CACNA2D1: variants seen among roughly 807,000 people sequenced by gnomAD.
The protein encoded by CACNA2D1 is calcium voltage-gated channel auxiliary subunit alpha2delta 1, also known as voltage-dependent calcium channel subunit alpha-2/delta-1.
In CACNA2D1, 53 loss-of-function variants were observed where a neutral mutation model predicts 171.5. The ratio of observed to expected loss-of-function variants is 0.31; its 90% CI spans 0.25 to 0.39. The LOEUF is 0.39. Among genes scored for constraint, CACNA2D1 ranks in the 10% least tolerant of loss-of-function variants. The pLI is 1.00. For missense variants in CACNA2D1, 903 were observed against 1,299.8 expected (o/e 0.69, Z 4.69); for synonymous variants, 442 against 443.1 (o/e 1.00, Z 0.03).
At chr7:81,955,249 ATTATACTACCATTCTACCT>A (rs1389480767) in intron 38 of CACNA2D1, among the ~76,000 whole-genome samples, 1 of 152,002 alleles carries the variant, frequency 6.6e-6, no homozygotes, top group Non-Finnish European at 1.5e-5. Context: ...GGCTTTGGAG[ATTATACTACCATTCTACCT>A]TGCTTGTGAG....
chr7:82,352,082 T>C (rs1310216850), intron 1 of CACNA2D1, among the ~76,000 whole-genome samples: 3 of 152,196 alleles, frequency 2.0e-5, no homozygotes, highest in Non-Finnish European at 4.4e-5. Flanking sequence ...ACTTCCAGTG[T>C]TCATTTAGGT....
intron 24 of CACNA2D1, among the ~76,000 whole-genome samples, chr7:81,977,192 A>T (rs748214341): frequency 2.3e-4 from 35 of 152,158 alleles, no homozygotes; most frequent in Non-Finnish European, 4.0e-4. Flanking sequence ...TGGGTTTGTC[A>T]CAAATATCTC....
intron 3 of CACNA2D1, among the ~76,000 whole-genome samples, chr7:82,280,956 A>G (rs894938535): frequency 2.0e-5 from 3 of 152,194 alleles, no homozygotes; most frequent in African/African-American, 7.2e-5. Context: ...AGCAGCAGGT[A>G]TATCATTTGG....
At chr7:82,229,500 T>A (rs574036059) in intron 3 of CACNA2D1, among the ~76,000 whole-genome samples, 2 of 152,094 alleles carry the variant, frequency 1.3e-5, no homozygotes, top group South Asian at 4.1e-4. Flanking sequence ...TATTATTTCT[T>A]ATTTTTTTGG....
intron 1 of CACNA2D1, among the ~76,000 whole-genome samples, chr7:82,389,273 C>T (rs1824810185): frequency 6.6e-6 from 1 of 150,774 alleles, no homozygotes; most frequent in South Asian, 2.1e-4. Context: ...TTAGAAGTTT[C>T]TTAATAGCCA....
chr7:82,241,455 A>T (rs181563908), intron 3 of CACNA2D1, among the ~76,000 whole-genome samples: 7 of 152,306 alleles, frequency 4.6e-5, no homozygotes, highest in Admixed American at 1.3e-4. Flanking sequence ...GCTTAAGGTC[A>T]GACAGCTGAG....
chr7:82,107,342 G>A (rs189565381), intron 6 of CACNA2D1, among the ~76,000 whole-genome samples: 450 of 152,176 alleles, frequency 3.0e-3, no homozygotes, highest in South Asian at 9.5e-3. Context: ...CAAAGAGTCA[G>A]CATAAACTAG....
At chr7:82,155,053 C>G (rs1276255738) in intron 4 of CACNA2D1, among the ~76,000 whole-genome samples, 1 of 151,930 alleles carries the variant, frequency 6.6e-6, no homozygotes, top group Non-Finnish European at 1.5e-5. Context: ...TGGCACCTCC[C>G]TCCTCCCCTT....
chr7:82,214,860 A>C (rs1170350272), intron 3 of CACNA2D1, among the ~76,000 whole-genome samples: 2 of 152,192 alleles, frequency 1.3e-5, no homozygotes, highest in Non-Finnish European at 2.9e-5. Flanking sequence ...AATCTAAATA[A>C]TATAATTCAT....
At chr7:82,145,873 T>G (rs184784185) in intron 4 of CACNA2D1, among the ~76,000 whole-genome samples, 1 of 147,484 alleles carries the variant, frequency 6.8e-6, no homozygotes, top group African/African-American at 2.5e-5. Context: ...ATTATTAATT[T>G]ATTTCGCTTA....
Position 82,060,514 on chromosome 7 carries a change from TA to T in CACNA2D1, c.792del (p.Ser265ValfsTer3). ...CGGATCAGTTTAAGTGTCAATCCAC[TA>T]ACACTTCCACTCCTAGAAATAGACA... ...MLILVDVSGS[V>X]SGLTLKLIRT... On this transcript the variant is annotated frameshift_variant, in exon 10 of 39. Coordinates refer to ENST00000356860, the MANE Select transcript of CACNA2D1 (RefSeq NM_000722.4). LOFTEE classifies it high-confidence loss of function. 6.2e-7 allele frequency: 1 copy of T among 1,602,884 alleles called. No homozygotes were observed. The highest frequency in any genetic ancestry group is 8.5e-7 in the Non-Finnish European group (1 of 1,171,754).
At chr7:82,213,388 C>T (rs1800764243) in intron 3 of CACNA2D1, among the ~76,000 whole-genome samples, 1 of 152,116 alleles carries the variant, frequency 6.6e-6, no homozygotes, top group South Asian at 2.1e-4. Context: ...ATTCTTAAGG[C>T]TGATATATCT....
chr7:82,013,541 A>T, intron 13 of CACNA2D1, 31 bp from the exon 14 acceptor site: 2 of 788,106 alleles, frequency 2.5e-6, no homozygotes, highest in Non-Finnish European at 3.6e-6. Flanking sequence ...TTTATACATA[A>T]ATGTTACTTT....
intron 3 of CACNA2D1, among the ~76,000 whole-genome samples, chr7:82,319,064 C>G (rs1390398352): frequency 6.6e-6 from 1 of 152,030 alleles, no homozygotes. Context: ...CAAAATATCT[C>G]TATAAAATTG....
chr7:82,106,254 T>C (rs1024448541), intron 6 of CACNA2D1, among the ~76,000 whole-genome samples: 1 of 152,156 alleles, frequency 6.6e-6, no homozygotes, highest in African/African-American at 2.4e-5. Flanking sequence ...GCCAAATGAT[T>C]AAAAAATCCT....
At chr7:82,122,910 T>A (rs1353313694) in intron 5 of CACNA2D1, among the ~76,000 whole-genome samples, 1 of 152,228 alleles carries the variant, frequency 6.6e-6, no homozygotes, top group Non-Finnish European at 1.5e-5. Context: ...TAAAACAACC[T>A]ACCACCTTGA....
intron 4 of CACNA2D1, among the ~76,000 whole-genome samples, chr7:82,148,801 C>A (rs903222531): frequency 6.6e-6 from 1 of 152,082 alleles, no homozygotes; most frequent in South Asian, 2.1e-4. Context: ...CCATGCCCAG[C>A]GAATTTTTTA....
At chr7:82,063,284 GAAT>G (rs1291240551) in intron 9 of CACNA2D1, among the ~76,000 whole-genome samples, 2 of 152,064 alleles carry the variant, frequency 1.3e-5, no homozygotes, top group African/African-American at 4.8e-5. Flanking sequence ...TACTTAAGAA[GAAT>G]ATCAAGGATT....
intron 7 of CACNA2D1, among the ~76,000 whole-genome samples, chr7:82,074,944 C>T (rs546737307): frequency 4.0e-5 from 6 of 151,880 alleles, no homozygotes; most frequent in East Asian, 1.9e-4. Context: ...ACATGTGCCA[C>T]GTTGGTCTGC....
Sources: allele counts gnomAD v4.1 joint callset (sites outside exome capture counted in the v4.1 genomes callset), GRCh38; gene constraint gnomAD v4.1.1; transcripts MANE v1.5; gene names NCBI Gene and HGNC (gene_info 2026-07-23, HGNC 2026-07-21).